The following EPG5 variants were observed in gnomAD, a reference collection of about 807,000 sequenced individuals.
EPG5 encodes ectopic P granules protein 5 homolog.
In EPG5, 159 loss-of-function variants were observed where a neutral mutation model predicts 302.7. The ratio of observed to expected loss-of-function variants is 0.53; its 90% CI spans 0.46 to 0.60. EPG5 has a LOEUF of 0.60. Among genes scored for constraint, EPG5 ranks in the 20% least tolerant of loss-of-function variants. The pLI is 0.00. For missense variants in EPG5, 2,896 were observed against 3,092.4 expected, an observed-to-expected ratio of 0.94 and a Z score of 1.51; for synonymous variants, 1,158 against 1,136.8, an observed-to-expected ratio of 1.02 and a Z score of -0.37.
intron 28 of EPG5, among the ~76,000 whole-genome samples, 186 bp from the exon 29 acceptor site, chr18:45,888,093 TTTTC>T (rs777499683): frequency 5.1e-4 from 77 of 152,012 alleles, no homozygotes; most frequent in Non-Finnish European, 5.6e-4. Context: ...TGACAACTGA[TTTTC>T]TTTTTTTTTT....
At chr18:45,869,089 A>G (rs2048815654) in intron 36 of EPG5, among the ~76,000 whole-genome samples, 1 of 151,952 alleles carries the variant, frequency 6.6e-6, no homozygotes, top group South Asian at 2.1e-4. Flanking sequence ...TGAGGAACAG[A>G]TGTACTATAA....
the EPG5 span, among the ~76,000 whole-genome samples, chr18:45,814,537 A>C: frequency 2.6e-5 from 4 of 152,180 alleles, no homozygotes; most frequent in Non-Finnish European, 4.4e-5. Flanking sequence ...AAATTCTGTA[A>C]ATTTGATAAC....
At chr18:45,948,429 G>T in intron 6 of EPG5, 74 bp downstream of exon 6, 1 of 1,147,848 alleles carries the variant, frequency 8.7e-7, no homozygotes, top group Non-Finnish European at 1.3e-6. Context: ...TTGGATCTAG[G>T]CAGTTTCAGG....
At chr18:45,820,886 G>C in the EPG5 span, among the ~76,000 whole-genome samples, 2 of 152,172 alleles carry the variant, frequency 1.3e-5, no homozygotes, top group Non-Finnish European at 2.9e-5. Context: ...GAATTTGTTT[G>C]GGAAAGACTC....
At chr18:45,948,105 C>T (rs777524935) in intron 6 of EPG5, among the ~76,000 whole-genome samples, 4 of 152,172 alleles carry the variant, frequency 2.6e-5, no homozygotes, top group African/African-American at 4.8e-5. Flanking sequence ...GCTCAGTTAC[C>T]ATGAAACACT....
Position 45,928,899 on chromosome 18 carries a change from T to A in EPG5, c.2523A>T (p.Arg841Ser). Residue 841 changes from arginine to serine, a missense_variant, in exon 13 of 44, where the codon AGA becomes AGT. Coordinates refer to ENST00000282041, the MANE Select transcript of EPG5 (RefSeq NM_020964.3). ...HPEIISVLLD[R>S]VQETIDQVGM... ...CAACCTGGTCAATGGTCTCTTGAAC[T>A]CTATCCAGAAGGACGGAAATTATCT... 6.2e-7 allele frequency: 1 copy of A among 1,614,028 alleles called. No individual in the cohort carries two copies. The highest frequency in any genetic ancestry group is 1.1e-5 in the South Asian group (1 of 91,070).
chr18:45,880,115 A>T lies in EPG5; in HGVS notation c.5627T>A (p.Val1876Glu). Residue 1876 changes from valine to glutamate, a missense_variant, in exon 32 of 44, where the codon GTG becomes GAG. By Grantham distance (121) the Val-to-Glu change is moderately radical (BLOSUM62 -2). Around this residue, in one of 5 missense-constraint regions of EPG5, gnomAD observed 790 missense variants for 798.0 expected, o/e 0.99. Transcript: ENST00000282041. ...QQGAASTEGAVLPSSSDALLS... is the reference protein window; with the variant it reads ...QQGAASTEGAELPSSSDALLS... ...GAGAGCATCAGAAGAGCTGGGAAGC[A>T]CGGCGCCCTCGGTGGACGCTGCCCC... 6.2e-7 allele frequency: 1 copy of T among 1,610,762 alleles called. No individual in the cohort carries two copies. Among genetic ancestry groups the T allele is most frequent in the Admixed American group, 1.7e-5 (1 of 59,816 alleles).
At chr18:45,946,949 T>C (rs2050795990) in intron 6 of EPG5, among the ~76,000 whole-genome samples, 181 bp from the exon 7 acceptor site, 1 of 152,234 alleles carries the variant, frequency 6.6e-6, no homozygotes, top group African/African-American at 2.4e-5. Context: ...TGGTGGAGAA[T>C]GCAACCATTC....
rs116640471 is a variant in EPG5, at chr18:45,870,564, T to C, written c.6225+3A>G. On this transcript the variant is annotated splice_donor_region_variant and intron_variant, in intron 36 of 43. Transcript: ENST00000282041. Reference sequence around the variant, plus strand: ...GCTGCGATGCCGGGAATGAAGGGCTTACTTTGAAGAAGGCCTCCATGAGCA... The same window carrying C: ...GCTGCGATGCCGGGAATGAAGGGCTCACTTTGAAGAAGGCCTCCATGAGCA... 2 of 1,611,960 alleles carry C rather than the reference T, an allele frequency of 1.2e-6. No individual in the cohort carries two copies. Among genetic ancestry groups the C allele is most frequent in the African/African-American group, 1.3e-5 (1 of 74,998 alleles).
At chr18:45,911,076 T>C (rs1027019772) in intron 22 of EPG5, among the ~76,000 whole-genome samples, 3 of 99,048 alleles carry the variant, frequency 3.0e-5, no homozygotes, top group South Asian at 4.1e-4. Flanking sequence ...TCTATCTATC[T>C]ATACACACAC....
the EPG5 span, among the ~76,000 whole-genome samples, chr18:45,828,034 C>A: frequency 6.6e-6 from 1 of 152,196 alleles, no homozygotes; most frequent in Non-Finnish European, 1.5e-5. Flanking sequence ...GTGGTCCAGG[C>A]CCCCACTTCC....
At chr18:45,853,059 G>A (rs183500289) in intron 43 of EPG5, among the ~76,000 whole-genome samples, 7 of 152,310 alleles carry the variant, frequency 4.6e-5, no homozygotes, top group South Asian at 2.1e-4. Context: ...CACTCCTTCC[G>A]TTCTAGGGCG....
At chr18:45,871,900 C>T (rs1182673868) in intron 35 of EPG5, among the ~76,000 whole-genome samples, 5 of 152,076 alleles carry the variant, frequency 3.3e-5, no homozygotes, top group African/African-American at 1.2e-4. Flanking sequence ...CACAACAATG[C>T]ATTACGTATT....
At position 45,915,592 on chromosome 18, in the gene EPG5, A is replaced by C; in HGVS notation, c.3612T>G (p.Ser1204Arg). Reference sequence around the variant, plus strand: ...TCCAGCTTACCAAAGATGAGAGCAGACTCCGGTCACAGTGGTAACCCAAGG... The same window carrying C: ...TCCAGCTTACCAAAGATGAGAGCAGCCTCCGGTCACAGTGGTAACCCAAGG... ...KNALGYHCDR[S>R]LLSSLVSWIV... The change falls in exon 20 of 44, where the codon AGT (serine) becomes AGG (arginine). Residue 1204 changes from serine (S) to arginine (R), a missense_variant. Physicochemically the swap from Ser to Arg is moderately radical, Grantham distance 110. Coordinates refer to ENST00000282041, the MANE Select transcript of EPG5 (RefSeq NM_020964.3). 1 of 1,614,178 alleles carries C rather than the reference A, an allele frequency of 6.2e-7. No individual in the cohort carries two copies. Among genetic ancestry groups the C allele is most frequent in the Non-Finnish European group, 8.5e-7 (1 of 1,180,028 alleles).
At chr18:45,840,237 C>G in the EPG5 span, 3 of 1,612,592 alleles carry the variant, frequency 1.9e-6, no homozygotes, top group Non-Finnish European at 2.5e-6. Context: ...GGACACCCCA[C>G]CACGGTAAGT....
At chr18:45,955,578 G>C (rs1273878115) in intron 1 of EPG5, among the ~76,000 whole-genome samples, 2 of 152,120 alleles carry the variant, frequency 1.3e-5, no homozygotes, top group South Asian at 2.1e-4. Flanking sequence ...GATCCTAATA[G>C]AAAAAGACAT....
At chr18:45,925,689 C>T (rs1242847488) in intron 14 of EPG5, 49 bp downstream of exon 14, 1 of 1,354,874 alleles carries the variant, frequency 7.4e-7, no homozygotes, top group Non-Finnish European at 9.7e-7. Context: ...TTCTTTGAAA[C>T]AGATGCATGT....
intron 21 of EPG5, 81 bp downstream of exon 21, chr18:45,913,625 G>A: frequency 6.5e-7 from 1 of 1,528,258 alleles, no homozygotes; most frequent in Admixed American, 1.9e-5. Context: ...AAACACAAAA[G>A]CTCAAAAGCT....
chr18:45,919,782 G>C (rs1225112726), intron 16 of EPG5, among the ~76,000 whole-genome samples: 1 of 152,174 alleles, frequency 6.6e-6, no homozygotes, highest in Non-Finnish European at 1.5e-5. Flanking sequence ...AAAGTGCTGG[G>C]ATTACAGGCG....
Sources: gnomAD v4.1 joint callset for allele counts (sites outside exome capture counted in the v4.1 genomes callset) on GRCh38, gnomAD v4.1.1 for gene constraint, gnomAD v4.1.1 regional missense constraint, MANE v1.5 for transcripts, NCBI Gene and HGNC (gene_info 2026-07-23, HGNC 2026-07-21) for gene names.